KHDC4: variants seen among roughly 807,000 people sequenced by gnomAD.
The protein encoded by KHDC4 is KH homology domain-containing protein 4.
KHDC4 carries 19 observed loss-of-function variants against 74.5 expected under a neutral mutation model. That is an observed-to-expected ratio of 0.26 (90% CI 0.18 to 0.37). The LOEUF is 0.37. KHDC4 is among the 10% of genes least tolerant of loss of function. The pLI is 1.00. For synonymous variants in KHDC4, 253 were observed against 266.1 expected (o/e 0.95, Z 0.48); for missense variants, 632 against 754.1 (o/e 0.84, Z 1.90).
intron 7 of KHDC4, 22 bp downstream of exon 7, chr1:155,925,610 C>A: frequency 6.3e-7 from 1 of 1,597,342 alleles, no homozygotes; most frequent in Non-Finnish European, 8.6e-7. Flanking sequence ...ATTCACATGT[C>A]CCCTGCCCTA....
rs1674021704 is a variant in KHDC4 at position 155,927,167 on chromosome 1, A to G, written c.465-11T>C. 6.2e-7 allele frequency: 1 copy of G among 1,612,392 alleles called. No homozygotes were observed. On this transcript the variant is annotated splice_polypyrimidine_tract_variant and intron_variant, in intron 4 of 13. Coordinates refer to ENST00000368321, the MANE Select transcript of KHDC4 (RefSeq NM_014949.4). Reference sequence around the variant, plus strand: ...TATAATGGACGATCCCTATAAAGAGAAACAAAAAAGGATGATCTCAATGTG... The same window carrying G: ...TATAATGGACGATCCCTATAAAGAGGAACAAAAAAGGATGATCTCAATGTG...
intron 6 of KHDC4, 83 bp from the exon 7 acceptor site, chr1:155,925,926 T>C (rs1673981626): frequency 8.5e-7 from 1 of 1,174,784 alleles, no homozygotes; most frequent in Non-Finnish European, 1.3e-6. Flanking sequence ...TAAGAAATTA[T>C]AGCAAAGACA....
intron 4 of KHDC4, 107 bp from the exon 5 acceptor site, chr1:155,927,263 A>G: frequency 1.2e-6 from 1 of 829,236 alleles, no homozygotes; most frequent in Non-Finnish European, 2.0e-6. Flanking sequence ...CCAAATAACC[A>G]AAAGGGACTA....
chr1:155,916,587 T>C (rs1673735055), intron 12 of KHDC4, 38 bp downstream of exon 12: 2 of 1,376,344 alleles, frequency 1.5e-6, no homozygotes, highest in Non-Finnish European at 2.1e-6. Context: ...TGCAAACAAA[T>C]AACATCTGAA....
At chr1:155,925,911 G>A in intron 6 of KHDC4, 68 bp from the exon 7 acceptor site, 1 of 1,292,466 alleles carries the variant, frequency 7.7e-7, no homozygotes, top group Non-Finnish European at 1.1e-6. Flanking sequence ...TTTGAAATAA[G>A]TCAATAAGAA....
intron 7 of KHDC4, among the ~76,000 whole-genome samples, chr1:155,924,048 T>C (rs1045392118): frequency 2.2e-4 from 34 of 152,290 alleles, no homozygotes; most frequent in Middle Eastern, 3.4e-3. Context: ...CCGGGCGTGG[T>C]GGTTCACGCC....
intron 7 of KHDC4, among the ~76,000 whole-genome samples, chr1:155,923,903 G>T (rs1673922983): frequency 1.3e-5 from 2 of 152,126 alleles, no homozygotes; most frequent in African/African-American, 2.4e-5. Flanking sequence ...GTCTTTCTCT[G>T]AGTAATGGTA....
At chr1:155,927,002 A>C in intron 5 of KHDC4, 102 bp downstream of exon 5, 1 of 1,337,176 alleles carries the variant, frequency 7.5e-7, no homozygotes, top group East Asian at 2.3e-5. Context: ...TTCATGAACA[A>C]GGGTTAGAAC....
At chr1:155,922,943 C>T (rs1476088437) in intron 8 of KHDC4, among the ~76,000 whole-genome samples, 2 of 152,154 alleles carry the variant, frequency 1.3e-5, no homozygotes, top group Admixed American at 6.5e-5. Flanking sequence ...CGGTGGCTCA[C>T]GCCTGTAATC....
intron 4 of KHDC4, among the ~76,000 whole-genome samples, chr1:155,927,695 C>T (rs975234449): frequency 6.7e-6 from 1 of 148,914 alleles, no homozygotes. Context: ...CCCAGCTACT[C>T]AGGAGGCTGA....
At chr1:155,921,262 AG>A in intron 10 of KHDC4, 112 bp downstream of exon 10, 1 of 1,276,380 alleles carries the variant, frequency 7.8e-7, no homozygotes, top group Non-Finnish European at 1.1e-6. Flanking sequence ...AGAAGACAGC[AG>A]GAAAAAGACA....
At chr1:155,926,874 T>C in intron 5 of KHDC4, 35 bp from the exon 6 acceptor site, 1 of 1,610,220 alleles carries the variant, frequency 6.2e-7, no homozygotes, top group Non-Finnish European at 8.5e-7. Flanking sequence ...CTGAATGGAA[T>C]GAACTGACTA....
At chr1:155,918,115 T>C (rs1459714076) in intron 10 of KHDC4, among the ~76,000 whole-genome samples, 1 of 152,224 alleles carries the variant, frequency 6.6e-6, no homozygotes, top group African/African-American at 2.4e-5. Flanking sequence ...TGTTTGAAGA[T>C]GTTGTTCCAA....
intron 4 of KHDC4, 67 bp downstream of exon 4, chr1:155,929,229 A>T (rs539602): frequency 0.61 from 678,641 of 1,117,164 alleles, 217,830 homozygotes; most frequent in Non-Finnish European, 0.67. Context: ...ACCTAAGGAT[A>T]AAAAACATGA....
chr1:155,916,706 G>A lies in KHDC4; in HGVS notation c.1472C>T (p.Thr491Ile). 6.2e-7 allele frequency: 1 copy of A among 1,613,790 alleles called. No individual in the cohort carries two copies. The highest frequency in any genetic ancestry group is 1.1e-5 in the South Asian group (1 of 91,026). Residue 491 changes from threonine (T) to isoleucine (I), a missense_variant, in exon 12 of 14, where the codon ACA (threonine) becomes ATA (isoleucine). Thr to Ile is a moderately conservative substitution (Grantham distance 89, BLOSUM62 -1). Transcript: ENST00000368321. ...HGPIHMTNLG[T>I]GFSSQNEIEG... Reference sequence around the variant, plus strand: ...AATCTCATTCTGACTGGAGAAGCCTGTACCTAAATTAGTCATATGAATGGG... The same window carrying A: ...AATCTCATTCTGACTGGAGAAGCCTATACCTAAATTAGTCATATGAATGGG...
At chr1:155,916,206 G>A (rs1673726098) in intron 12 of KHDC4, among the ~76,000 whole-genome samples, 1 of 152,112 alleles carries the variant, frequency 6.6e-6, no homozygotes, top group South Asian at 2.1e-4. Context: ...TCTTATGAAG[G>A]TTAATATACT....
At chr1:155,927,610 G>A (rs754658832) in intron 4 of KHDC4, among the ~76,000 whole-genome samples, 8 of 151,498 alleles carry the variant, frequency 5.3e-5, no homozygotes, top group Non-Finnish European at 1.0e-4. Flanking sequence ...TTTGAGACCA[G>A]CCTGGCCAAC....
chr1:155,927,606 ACCAGCCTGG>A (rs1201956659), intron 4 of KHDC4, among the ~76,000 whole-genome samples: 2 of 151,554 alleles, frequency 1.3e-5, no homozygotes, highest in Non-Finnish European at 2.9e-5. Flanking sequence ...AGAGTTTGAG[ACCAGCCTGG>A]CCAACATGGC....
chr1:155,933,917 C>T (rs1221017934), intron 1 of KHDC4, 68 bp from the exon 2 acceptor site: 1 of 1,233,868 alleles, frequency 8.1e-7, no homozygotes, highest in East Asian at 2.6e-5. Flanking sequence ...CCTTACTACG[C>T]CTTAGCACCC....
Sources: gnomAD v4.1 joint callset for allele counts (sites outside exome capture counted in the v4.1 genomes callset) on GRCh38, gnomAD v4.1.1 for gene constraint, MANE v1.5 for transcripts, NCBI Gene and HGNC (gene_info 2026-07-23, HGNC 2026-07-21) for gene names.